The following MOXD1 variants were observed in gnomAD, a reference collection of about 807,000 sequenced individuals.
MOXD1 encodes the protein monooxygenase DBH like 1.
MOXD1 carries 62 observed loss-of-function variants against 66.6 expected under a neutral mutation model. That is an observed-to-expected ratio of 0.93 (90% CI 0.76 to 1.15). The LOEUF is 1.15. Among genes scored for constraint, MOXD1 ranks in the 50% most tolerant of loss-of-function variants. The pLI is 0.00. For missense variants in MOXD1, 847 were observed against 754.6 expected, an observed-to-expected ratio of 1.12 and a Z score of -1.44; for synonymous variants, 303 against 281.9, an observed-to-expected ratio of 1.07 and a Z score of -0.75.
chr6:132,313,784 G>A (rs182044495), intron 10 of MOXD1, among the ~76,000 whole-genome samples: 81 of 151,976 alleles, frequency 5.3e-4, no homozygotes, highest in Middle Eastern at 6.8e-3. Context: ...GCGTGGTGGC[G>A]AGCGCCTGTA....
chr6:132,372,054 C>T (rs1011337341), intron 4 of MOXD1, among the ~76,000 whole-genome samples: 1 of 152,064 alleles, frequency 6.6e-6, no homozygotes, highest in African/African-American at 2.4e-5. Flanking sequence ...TTCTGGGAGG[C>T]CCATTCCAGA....
chr6:132,322,769 C>T lies in MOXD1; in HGVS notation c.1215G>A (p.Gly405=), dbSNP rs533848784. The change falls in exon 8 of 12, where the codon GGG becomes GGA. Residue 405 remains glycine (G), a synonymous_variant. Coordinates refer to ENST00000367963, the MANE Select transcript of MOXD1 (RefSeq NM_015529.4). ...RGIRLRHFRK[G]KEMKLLAYDD... ...CATAGGCAAGTAATTTCATTTCCTT[C>T]CCTTTTCGAAAATGACGCAGCCTGA... 1.0e-4 allele frequency: 168 copies of T among 1,614,114 alleles called. 4 individuals are homozygous for T. In the South Asian group the frequency reaches 1.8e-3, roughly 17 times the overall value.
chr6:132,317,880 A>G (rs1774992856), intron 9 of MOXD1, among the ~76,000 whole-genome samples: 1 of 152,074 alleles, frequency 6.6e-6, no homozygotes, highest in Non-Finnish European at 1.5e-5. Context: ...TACATTCAGT[A>G]TATTGAAGTA....
At chr6:132,400,993 G>C (rs1359854222) in intron 1 of MOXD1, among the ~76,000 whole-genome samples, 170 bp downstream of exon 1, 4 of 152,230 alleles carry the variant, frequency 2.6e-5, no homozygotes, top group African/African-American at 7.2e-5. Flanking sequence ...CTGGGGCTCC[G>C]GGAGAGCAGG....
At chr6:132,385,555 C>T (rs1197818900) in intron 1 of MOXD1, among the ~76,000 whole-genome samples, 1 of 151,126 alleles carries the variant, frequency 6.6e-6, no homozygotes, top group Non-Finnish European at 1.5e-5. Context: ...ACAATCTTGG[C>T]TCCCTGCAAT....
chr6:132,383,544 A>C (rs1186492266), intron 1 of MOXD1, among the ~76,000 whole-genome samples: 1 of 152,224 alleles, frequency 6.6e-6, no homozygotes, highest in African/African-American at 2.4e-5. Context: ...TCACCTTCTA[A>C]AAATGAACAT....
At chr6:132,384,709 C>G (rs960314898) in intron 1 of MOXD1, among the ~76,000 whole-genome samples, 12 of 152,082 alleles carry the variant, frequency 7.9e-5, no homozygotes, top group Admixed American at 3.3e-4. Flanking sequence ...AGGGCCTGGA[C>G]AGGAGGTTGG....
chr6:132,337,412 C>A (rs945648517), intron 4 of MOXD1, among the ~76,000 whole-genome samples: 19 of 152,072 alleles, frequency 1.2e-4, no homozygotes, highest in African/African-American at 4.6e-4. Context: ...CTTAATTGGA[C>A]CTGCGTAAGT....
intron 4 of MOXD1, among the ~76,000 whole-genome samples, chr6:132,332,088 A>G (rs1006688278): frequency 1.7e-4 from 26 of 152,242 alleles, no homozygotes; most frequent in African/African-American, 4.3e-4. Context: ...CTTGGCCTCT[A>G]GGATGAGAAG....
intron 4 of MOXD1, among the ~76,000 whole-genome samples, chr6:132,364,167 C>T (rs1313978844): frequency 6.6e-6 from 1 of 152,040 alleles, no homozygotes; most frequent in African/African-American, 2.4e-5. Context: ...GGATAGTCAC[C>T]AGTTGGTTTT....
intron 4 of MOXD1, among the ~76,000 whole-genome samples, chr6:132,372,308 C>T (rs568001792): frequency 4.6e-4 from 70 of 152,182 alleles, no homozygotes; most frequent in African/African-American, 1.6e-3. Context: ...TTTTAAATTG[C>T]AATTCCAGTA....
intron 10 of MOXD1, among the ~76,000 whole-genome samples, chr6:132,299,123 C>T (rs1045571279): frequency 6.6e-6 from 1 of 152,148 alleles, no homozygotes; most frequent in Non-Finnish European, 1.5e-5. Flanking sequence ...ATGTCCTTTG[C>T]AGCAGCATGG....
In MOXD1 at chr6:132,363,490, G is replaced by GT. The variant is rs1430466767; in HGVS notation, c.663+9117dup. 2.6e-5 allele frequency among the ~76,000 whole-genome samples: 4 copies of GT among 152,146 alleles called. No homozygotes were observed. In the East Asian group the frequency reaches 7.7e-4, roughly 29 times the overall value. On this transcript the variant is annotated intron_variant, in intron 4 of 11. Coordinates refer to ENST00000367963, the MANE Select transcript of MOXD1 (RefSeq NM_015529.4). ...TCTTCCACGCAAATTATTTTTCATTGTAACTTATGCATCTTGAAAAAAATA... is the reference window on the plus strand; with the variant it reads ...TCTTCCACGCAAATTATTTTTCATTGTTAACTTATGCATCTTGAAAAAAATA...
intron 4 of MOXD1, among the ~76,000 whole-genome samples, chr6:132,349,465 A>ATG (rs1775755226): frequency 3.5e-5 from 1 of 28,424 alleles, no homozygotes; most frequent in Non-Finnish European, 6.8e-5. Flanking sequence ...ATATATATAT[A>ATG]CATATATATA....
At chr6:132,369,770 G>A (rs1478419971) in intron 4 of MOXD1, among the ~76,000 whole-genome samples, 2 of 152,036 alleles carry the variant, frequency 1.3e-5, no homozygotes, top group South Asian at 2.1e-4. Flanking sequence ...GAATGAAGCA[G>A]GACAGTGCAA....
At chr6:132,393,578 G>C (rs1776812874) in intron 1 of MOXD1, among the ~76,000 whole-genome samples, 1 of 152,114 alleles carries the variant, frequency 6.6e-6, no homozygotes, top group African/African-American at 2.4e-5. Flanking sequence ...GACTCTCATG[G>C]GCCCTGAGAC....
chr6:132,382,675 A>T (rs772447664), intron 1 of MOXD1, among the ~76,000 whole-genome samples: 2 of 152,172 alleles, frequency 1.3e-5, no homozygotes, highest in African/African-American at 2.4e-5. Context: ...TCTTTTGAAC[A>T]CTTCGTGCTT....
Position 132,323,891 on chromosome 6 carries a change from T to C in MOXD1, c.1113+40A>G, listed in dbSNP as rs749470551. On this transcript the variant is annotated intron_variant, in intron 7 of 11. Coordinates refer to ENST00000367963, the MANE Select transcript of MOXD1 (RefSeq NM_015529.4). ...ACACCACAGTTTCTAAGAGCATTGA[T>C]GAATCTGCAGAGAGCAGCTCAGACT... is the stretch of plus-strand genomic sequence containing the variant. 7 of 1,515,804 alleles carry C rather than the reference T, an allele frequency of 4.6e-6. No individual in the cohort carries two copies. In the African/African-American group the frequency reaches 1.0e-4, roughly 22 times the overall value. 93.9% of individuals were successfully genotyped at this position (1,515,804 alleles called of 1,614,324 possible).
intron 4 of MOXD1, among the ~76,000 whole-genome samples, chr6:132,353,158 A>G (rs1255698708): frequency 2.0e-5 from 3 of 152,164 alleles, no homozygotes; most frequent in Admixed American, 6.5e-5. Context: ...ATTGAGATGT[A>G]AGGTATCATT....
Sources: allele counts gnomAD v4.1 joint callset (sites outside exome capture counted in the v4.1 genomes callset), GRCh38; gene constraint gnomAD v4.1.1; transcripts MANE v1.5; gene names NCBI Gene and HGNC (gene_info 2026-07-23, HGNC 2026-07-21).